The following PCDHGA10 variants were observed in gnomAD, a reference collection of about 807,000 sequenced individuals.
The protein encoded by PCDHGA10 is protocadherin gamma subfamily A, 10, also known as protocadherin gamma-A10.
Under a neutral mutation model 59.5 loss-of-function variants are expected in PCDHGA10, and 42 were observed. That is an observed-to-expected ratio of 0.71 (90% CI 0.55 to 0.91). The LOEUF is 0.91. Among genes scored for constraint, PCDHGA10 ranks in the 40% least tolerant of loss-of-function variants. The pLI, the probability that PCDHGA10 is intolerant of heterozygous loss-of-function variation, is 0.00. For synonymous variants in PCDHGA10, 511 were observed against 517.2 expected, an observed-to-expected ratio of 0.99 and a Z score of 0.16; for missense variants, 1,111 against 1,198.2, an observed-to-expected ratio of 0.93 and a Z score of 1.07.
chr5:141,422,541 T>C (rs1389095817), intron 1 of PCDHGA10: 1 of 1,613,992 alleles, frequency 6.2e-7, no homozygotes. Context: ...CAGAAACTCA[T>C]GTCTGGCTGA....
intron 3 of PCDHGA10, among the ~76,000 whole-genome samples, chr5:141,506,435 G>C (rs1470687416): frequency 7.9e-6 from 1 of 126,278 alleles, no homozygotes; most frequent in East Asian, 2.1e-4. Flanking sequence ...CAACAGTCTC[G>C]CTCTGTCTCA....
At chr5:141,439,506 C>G (rs2098117403) in intron 1 of PCDHGA10, among the ~76,000 whole-genome samples, 1 of 152,234 alleles carries the variant, frequency 6.6e-6, no homozygotes, top group Non-Finnish European at 1.5e-5. Flanking sequence ...GTCTTTCTCT[C>G]TGCTCTCAAC....
chr5:141,510,272 TAAA>T (rs546154379), intron 3 of PCDHGA10, among the ~76,000 whole-genome samples: 2 of 130,370 alleles, frequency 1.5e-5, no homozygotes, highest in Non-Finnish European at 3.3e-5. Context: ...GACTCCATCT[TAAA>T]AAAAAAAAAA....
At chr5:141,505,583 T>C (rs2099846941) in intron 3 of PCDHGA10, 102 bp downstream of exon 3, 3 of 1,583,532 alleles carry the variant, frequency 1.9e-6, no homozygotes, top group Non-Finnish European at 2.6e-6. Flanking sequence ...ACCTGTGTAG[T>C]TTCTCCAGAT....
intron 1 of PCDHGA10, among the ~76,000 whole-genome samples, chr5:141,464,261 T>TC (rs2099079163): frequency 1.5e-5 from 2 of 137,096 alleles, no homozygotes; most frequent in African/African-American, 2.9e-5. Flanking sequence ...CGAGACTCCG[T>TC]CTAAAAAAAA....
intron 2 of PCDHGA10, 141 bp downstream of exon 2, chr5:141,495,006 G>C (rs1030195663): frequency 2.0e-6 from 3 of 1,521,446 alleles, no homozygotes; most frequent in Non-Finnish European, 8.8e-7. Flanking sequence ...CTTGGTGTGC[G>C]GGGGGCTGGC....
chr5:141,467,476 G>C (rs114088806), intron 1 of PCDHGA10, among the ~76,000 whole-genome samples: 1,866 of 152,156 alleles, frequency 0.012, 41 homozygotes, highest in African/African-American at 0.043. Flanking sequence ...CATGGTTTTT[G>C]GTTTCCACAT....
rs375113497 is a variant in PCDHGA10 at position 141,415,185 on chromosome 5, C to T, written c.2010C>T (p.Asp670=). 1.2e-6 allele frequency: 2 copies of T among 1,613,978 alleles called. No individual in the cohort carries two copies. The highest frequency in any genetic ancestry group is 8.5e-7 in the Non-Finnish European group (1 of 1,180,022). Residue 670 remains aspartate, a synonymous_variant, in exon 1 of 4, where the codon GAC becomes GAT. Coordinates refer to ENST00000398610, the MANE Select transcript of PCDHGA10 (RefSeq NM_018913.3). The part of the protein sequence containing the change: ...ATVTLTVAVA[D]SIPQVLADLG... ...TCACGCTCACCGTGGCCGTGGCCGA[C>T]AGCATCCCCCAAGTCCTGGCGGACC...
intron 1 of PCDHGA10, among the ~76,000 whole-genome samples, chr5:141,465,486 G>C (rs1221398075): frequency 6.6e-6 from 1 of 152,216 alleles, no homozygotes; most frequent in African/African-American, 2.4e-5. Flanking sequence ...TGAGAGGAAT[G>C]AGCGGGAGCA....
intron 1 of PCDHGA10, chr5:141,423,640 T>C: frequency 6.3e-7 from 1 of 1,597,848 alleles, no homozygotes; most frequent in Non-Finnish European, 8.5e-7. Flanking sequence ...TTTAGGCAAA[T>C]GTGACCCGAC....
chr5:141,486,287 A>G lies in PCDHGA10; in HGVS notation c.2437-8520A>G, dbSNP rs1484787777. Reference sequence around the variant, plus strand: ...AGAACCTGGCACTGTGGTGGCACTTATCAGTGTGCAGGATCCAGACTCAGG... The same window carrying G: ...AGAACCTGGCACTGTGGTGGCACTTGTCAGTGTGCAGGATCCAGACTCAGG... On this transcript the variant is annotated intron_variant, in intron 1 of 3. Transcript: ENST00000398610. The surrounding 1 kb of genome is among the most constrained non-coding windows in gnomAD (Gnocchi z 5.0). 1 of 1,613,912 alleles carries G rather than the reference A, an allele frequency of 6.2e-7. No homozygotes were observed. The highest frequency in any genetic ancestry group is 8.5e-7 in the Non-Finnish European group (1 of 1,179,970).
intron 1 of PCDHGA10, among the ~76,000 whole-genome samples, chr5:141,433,408 A>ATCT (rs1413347413): frequency 3.1e-3 from 395 of 127,344 alleles, no homozygotes; most frequent in African/African-American, 0.011. Context: ...TCTATCTATT[A>ATCT]CTTTCTTGTA....
At chr5:141,456,912 G>A (rs566842808) in intron 1 of PCDHGA10, among the ~76,000 whole-genome samples, 2 of 152,206 alleles carry the variant, frequency 1.3e-5, no homozygotes, top group South Asian at 2.1e-4. Context: ...GCAGTGAGCC[G>A]AGATCGCACC....
intron 1 of PCDHGA10, chr5:141,422,008 C>T (rs767148055): frequency 1.2e-5 from 20 of 1,609,502 alleles, no homozygotes; most frequent in Admixed American, 5.1e-5. Context: ...CTCCGGAACT[C>T]GGGTGCTGAT....
At chr5:141,418,855 A>C in intron 1 of PCDHGA10, 1 of 1,614,042 alleles carries the variant, frequency 6.2e-7, no homozygotes, top group Non-Finnish European at 8.5e-7. Context: ...CACGGTGTAA[A>C]GTAATTGTAG....
Position 141,491,834 on chromosome 5 carries a change from CG to C in PCDHGA10, c.2437-2970del. On this transcript the variant is annotated intron_variant, in intron 1 of 3. Transcript: ENST00000398610. This position sits in a 1 kb window ranked among gnomAD's most constrained non-coding sequence, Gnocchi z 6.9. ...CGCTGGCTGCGCTCCACCCGATTCT[CG>C]GGATCATTGGACCGTTTGCGCGAAA... 1 of 1,473,830 alleles carries C rather than the reference CG, an allele frequency of 6.8e-7. No homozygotes were observed. Among genetic ancestry groups the C allele is most frequent in the Middle Eastern group, 1.8e-4 (1 of 5,590 alleles). The allele number at this position is 1,473,830 out of a possible 1,614,324, so 91.3% of individuals were successfully genotyped here.
chr5:141,431,066 CAATT>C lies in PCDHGA10; in HGVS notation c.2436+15458_2436+15461del, dbSNP rs762972663. ...GCTCTGTATGGGGGCCATCAAGTGT[CAATT>C]AAATCTAGACATTCTGATGGAGGAT... On this transcript the variant is annotated intron_variant, in intron 1 of 3. Transcript: ENST00000398610. This position sits in a 1 kb window ranked among gnomAD's most constrained non-coding sequence, Gnocchi z 4.8. 9 of 1,614,042 alleles carry C rather than the reference CAATT, an allele frequency of 5.6e-6. No individual in the cohort carries two copies. The East Asian group carries it at 2.0e-4, about 36-fold the overall frequency.
intron 3 of PCDHGA10, 146 bp from the exon 4 acceptor site, chr5:141,510,801 A>G: frequency 6.7e-7 from 1 of 1,489,832 alleles, no homozygotes; most frequent in Non-Finnish European, 9.1e-7. Flanking sequence ...AAGAGAGACT[A>G]CCTTGGTGAC....
chr5:141,420,804 G>C (rs1283868316), intron 1 of PCDHGA10, among the ~76,000 whole-genome samples: 1 of 152,188 alleles, frequency 6.6e-6, no homozygotes, highest in Non-Finnish European at 1.5e-5. Context: ...TAAAAATTAA[G>C]CAAGCCCTTT....
Sources: gnomAD v4.1 joint callset for allele counts (sites outside exome capture counted in the v4.1 genomes callset) on GRCh38, gnomAD v4.1.1 for gene constraint, Gnocchi (gnomAD v3.1) non-coding constraint, MANE v1.5 for transcripts, NCBI Gene and HGNC (gene_info 2026-07-23, HGNC 2026-07-21) for gene names.